Variants in TMEM65 observed in about 807,000 individuals in gnomAD.
The protein encoded by TMEM65 is transmembrane protein 65.
Under a neutral mutation model 25.4 loss-of-function variants are expected in TMEM65, and 22 were observed. That is an observed-to-expected ratio of 0.86 (90% CI 0.62 to 1.23). The LOEUF (loss-of-function observed/expected upper bound fraction) is 1.23, where lower values mean the gene tolerates loss of function less well. Among genes scored for constraint, TMEM65 ranks in the 50% most tolerant of loss-of-function variants. The pLI is 0.00. For missense variants in TMEM65, 262 were observed against 308.2 expected (o/e 0.85, Z 1.12); for synonymous variants, 132 against 126.2 (o/e 1.05, Z -0.31).
intron 6 of TMEM65, among the ~76,000 whole-genome samples, chr8:124,319,638 C>T (rs1814281349): frequency 1.3e-5 from 2 of 152,022 alleles, no homozygotes; most frequent in African/African-American, 4.8e-5. Context: ...CTAATAATAA[C>T]CAAGAAATCT....
At chr8:124,365,499 C>A (rs959269108) in intron 1 of TMEM65, among the ~76,000 whole-genome samples, 32 of 152,290 alleles carry the variant, frequency 2.1e-4, no homozygotes, top group African/African-American at 7.7e-4. Flanking sequence ...TAGGTCATAA[C>A]AAGTCTGTGG....
At chr8:124,363,855 A>G (rs952622411) in intron 1 of TMEM65, among the ~76,000 whole-genome samples, 1 of 150,520 alleles carries the variant, frequency 6.6e-6, no homozygotes, top group Non-Finnish European at 1.5e-5. Flanking sequence ...AAAAAAAAAA[A>G]AAAAAAAAAA....
At chr8:124,329,048 T>C (rs575117358) in intron 2 of TMEM65, among the ~76,000 whole-genome samples, 57 of 152,086 alleles carry the variant, frequency 3.7e-4, no homozygotes, top group Middle Eastern at 3.4e-3. Flanking sequence ...CAGTACATAA[T>C]AGGTATAAAA....
At chr8:124,315,523 G>C (rs907011063) in intron 6 of TMEM65, among the ~76,000 whole-genome samples, 2 of 151,780 alleles carry the variant, frequency 1.3e-5, no homozygotes, top group Non-Finnish European at 2.9e-5. Flanking sequence ...GGGTTTCACT[G>C]TATTAGCCAG....
chr8:124,367,688 T>C (rs1214922393), intron 1 of TMEM65, among the ~76,000 whole-genome samples: 1 of 152,210 alleles, frequency 6.6e-6, no homozygotes. Context: ...CGTCCTCTTA[T>C]ACTATATGGC....
intron 5 of TMEM65, among the ~76,000 whole-genome samples, chr8:124,321,580 G>A (rs1261334110): frequency 6.6e-6 from 1 of 152,018 alleles, no homozygotes; most frequent in Admixed American, 6.6e-5. Flanking sequence ...ACCCATATAT[G>A]CTTTGGCCAT....
At chr8:124,362,006 T>C (rs948837025) in intron 1 of TMEM65, among the ~76,000 whole-genome samples, 5 of 151,744 alleles carry the variant, frequency 3.3e-5, no homozygotes, top group African/African-American at 1.2e-4. Flanking sequence ...TTCTCCTGCC[T>C]CAGCTTCCCA....
intron 5 of TMEM65, 31 bp downstream of exon 5, chr8:124,322,074 A>C: frequency 7.7e-6 from 12 of 1,557,860 alleles, no homozygotes; most frequent in Non-Finnish European, 1.1e-5. Context: ...GCAAGTACAG[A>C]ATATACAAAT....
rs58523592 is a variant in TMEM65, at chr8:124,357,058, CTTT to C, written c.304+14793_304+14795del. On this transcript the variant is annotated intron_variant, in intron 1 of 6. Transcript: ENST00000297632. Reference sequence around the variant, plus strand: ...CTTCCACCCTTAGCTTCTAGGATATCTTTTTTTTTTTTTTCCTGTCTCTCTGGA... The same window carrying C: ...CTTCCACCCTTAGCTTCTAGGATATCTTTTTTTTTTTCCTGTCTCTCTGGA... Among the ~76,000 whole-genome samples, 283 of 147,860 alleles carry C rather than the reference CTTT, an allele frequency of 1.9e-3. 1 individual carries two copies. Among genetic ancestry groups the C allele is most frequent in the South Asian group, 4.0e-3 (19 of 4,692 alleles).
intron 1 of TMEM65, among the ~76,000 whole-genome samples, chr8:124,366,200 T>C (rs1267614813): frequency 6.6e-6 from 1 of 152,186 alleles, no homozygotes; most frequent in Non-Finnish European, 1.5e-5. Flanking sequence ...CCAGACTGAG[T>C]GACAGCACGA....
At chr8:124,321,473 G>A (rs953194967) in intron 5 of TMEM65, among the ~76,000 whole-genome samples, 2 of 152,190 alleles carry the variant, frequency 1.3e-5, no homozygotes, top group Non-Finnish European at 2.9e-5. Context: ...GAACAAGAAT[G>A]TAAAGAGAGA....
rs1355477968 is a variant in TMEM65, at chr8:124,313,834, T to C, written c.*126A>G. ...AGCCACAATAAGTTAGTGTTTTCCA[T>C]AATACATGCTAAATTATTTGATCCC... On this transcript the variant is annotated 3_prime_UTR_variant, in exon 7 of 7. Coordinates refer to ENST00000297632, the MANE Select transcript of TMEM65 (RefSeq NM_194291.3). 1.5e-6 allele frequency: 1 copy of C among 668,536 alleles called. No homozygotes were observed. 41.4% of individuals were successfully genotyped at this position (668,536 alleles called of 1,614,324 possible).
chr8:124,339,448 C>A (rs997190722), intron 1 of TMEM65, among the ~76,000 whole-genome samples: 2 of 151,416 alleles, frequency 1.3e-5, no homozygotes, highest in South Asian at 2.1e-4. Flanking sequence ...CTCTCTGAAC[C>A]TTTTAAGGTT....
chr8:124,354,941 T>C (rs536183627), intron 1 of TMEM65, among the ~76,000 whole-genome samples: 1 of 152,296 alleles, frequency 6.6e-6, no homozygotes, highest in South Asian at 2.1e-4. Flanking sequence ...GAAACTCTTC[T>C]GTAAATTTAA....
chr8:124,343,916 A>C (rs1814613603), intron 1 of TMEM65, among the ~76,000 whole-genome samples: 1 of 152,242 alleles, frequency 6.6e-6, no homozygotes, highest in Non-Finnish European at 1.5e-5. Flanking sequence ...TTACGCCAGA[A>C]ATTGTATAAG....
intron 2 of TMEM65, among the ~76,000 whole-genome samples, chr8:124,328,721 C>T (rs1396023281): frequency 1.3e-5 from 2 of 152,074 alleles, no homozygotes; most frequent in African/African-American, 4.8e-5. Flanking sequence ...CATTAAAATG[C>T]TGAGTTTTGT....
At chr8:124,333,398 G>A (rs564437546) in intron 1 of TMEM65, among the ~76,000 whole-genome samples, 1 of 151,958 alleles carries the variant, frequency 6.6e-6, no homozygotes, top group East Asian at 1.9e-4. Flanking sequence ...CATTGGAAAT[G>A]TGTTCTGCTC....
rs1030689381 is a variant in TMEM65, at chr8:124,372,540, C to T, written c.-383G>A. 1 of 156,036 alleles carries T rather than the reference C, an allele frequency of 6.4e-6. No homozygotes were observed. Among genetic ancestry groups the T allele is most frequent in the South Asian group, 1.7e-4 (1 of 5,944 alleles). 9.7% of individuals were successfully genotyped at this position (156,036 alleles called of 1,614,324 possible). ...TCTGATCTTCCAGAGGATGAGTCAGCCACGCACCGCCCTCCTCCAGCGCCG... is the reference window on the plus strand; with the variant it reads ...TCTGATCTTCCAGAGGATGAGTCAGTCACGCACCGCCCTCCTCCAGCGCCG... On this transcript the variant is annotated 5_prime_UTR_variant, in exon 1 of 7. Transcript: ENST00000297632.
intron 2 of TMEM65, among the ~76,000 whole-genome samples, chr8:124,329,184 G>C (rs563179537): frequency 8.8e-4 from 134 of 151,930 alleles, no homozygotes; most frequent in African/African-American, 3.2e-3. Context: ...TTAATAAAAT[G>C]GGATTTTTTT....
Sources: allele counts gnomAD v4.1 joint callset (sites outside exome capture counted in the v4.1 genomes callset), GRCh38; gene constraint gnomAD v4.1.1; transcripts MANE v1.5; gene names NCBI Gene and HGNC (gene_info 2026-07-23, HGNC 2026-07-21).